Variants in CACNA2D1 observed in about 807,000 individuals in gnomAD.
CACNA2D1 encodes the protein voltage-dependent calcium channel subunit alpha-2/delta-1.
CACNA2D1 carries 53 observed loss-of-function variants against 171.5 expected under a neutral mutation model. The ratio of observed to expected loss-of-function variants is 0.31; its 90% CI spans 0.25 to 0.39. CACNA2D1 has a LOEUF of 0.39. Ranked by LOEUF, CACNA2D1 falls within the 10% of genes least tolerant of loss-of-function variation. CACNA2D1 has a pLI of 1.00. For synonymous variants in CACNA2D1, 442 were observed against 443.1 expected (o/e 1.00, Z 0.03); for missense variants, 903 against 1,299.8 (o/e 0.69, Z 4.69).
intron 4 of CACNA2D1, among the ~76,000 whole-genome samples, chr7:82,146,493 T>G (rs1793116802): frequency 7.0e-6 from 1 of 142,530 alleles, no homozygotes. Context: ...CATATTTATA[T>G]TTATATATAT....
intron 20 of CACNA2D1, among the ~76,000 whole-genome samples, chr7:81,992,375 G>A (rs1797635761): frequency 6.6e-6 from 1 of 152,070 alleles, no homozygotes; most frequent in Non-Finnish European, 1.5e-5. Flanking sequence ...AATATATAAT[G>A]CCAAATTCAT....
intron 3 of CACNA2D1, among the ~76,000 whole-genome samples, chr7:82,190,223 C>T (rs1318903457): frequency 6.6e-6 from 1 of 151,816 alleles, no homozygotes; most frequent in East Asian, 1.9e-4. Flanking sequence ...ATCATCTCAA[C>T]AGCAAGACTG....
intron 3 of CACNA2D1, among the ~76,000 whole-genome samples, chr7:82,295,913 G>A (rs1369525263): frequency 2.0e-5 from 3 of 151,960 alleles, no homozygotes; most frequent in African/African-American, 7.3e-5. Context: ...TATACACCAT[G>A]GAATACTATG....
At chr7:82,420,743 G>C (rs529650969) in intron 1 of CACNA2D1, among the ~76,000 whole-genome samples, 4 of 151,776 alleles carry the variant, frequency 2.6e-5, no homozygotes, top group Admixed American at 2.0e-4. Flanking sequence ...GTACTTGCCT[G>C]TGATAAATTT....
At chr7:81,962,688 A>C (rs924073469) in intron 34 of CACNA2D1, among the ~76,000 whole-genome samples, 193 bp from the exon 35 acceptor site, 5 of 152,030 alleles carry the variant, frequency 3.3e-5, no homozygotes, top group Non-Finnish European at 7.4e-5. Flanking sequence ...TCATGAAATC[A>C]GAAGTGTTCA....
Position 81,959,849 on chromosome 7 carries a change from T to G in CACNA2D1, c.2967-20A>C, listed in dbSNP as rs1793891914. On this transcript the variant is annotated intron_variant, in intron 36 of 38. Coordinates refer to ENST00000356860, the MANE Select transcript of CACNA2D1 (RefSeq NM_000722.4). ...AAGATTCTGCAAAATAAATATGGTA[T>G]CATAGAAAATGAGTATCTTTTCCAA... 2 of 1,607,724 alleles carry G rather than the reference T, an allele frequency of 1.2e-6. No homozygotes were observed. The highest frequency in any genetic ancestry group is 4.5e-5 in the East Asian group (2 of 44,640).
chr7:82,220,618 T>C (rs935306327), intron 3 of CACNA2D1, among the ~76,000 whole-genome samples: 4 of 152,102 alleles, frequency 2.6e-5, no homozygotes, highest in African/African-American at 9.7e-5. Flanking sequence ...TAATAATATA[T>C]TTTAAGGAAA....
At chr7:82,334,159 C>T (rs1196880727) in intron 3 of CACNA2D1, among the ~76,000 whole-genome samples, 1 of 152,036 alleles carries the variant, frequency 6.6e-6, no homozygotes, top group East Asian at 1.9e-4. Flanking sequence ...CATTTGATTG[C>T]CTATAATTAA....
intron 38 of CACNA2D1, among the ~76,000 whole-genome samples, chr7:81,955,558 G>A (rs2130052384): frequency 6.6e-6 from 1 of 151,834 alleles, no homozygotes; most frequent in Admixed American, 6.6e-5. Flanking sequence ...ATACATCATC[G>A]ATATTATGTA....
chr7:82,374,805 G>A (rs374881034), intron 1 of CACNA2D1, among the ~76,000 whole-genome samples: 15 of 122,280 alleles, frequency 1.2e-4, no homozygotes, highest in African/African-American at 3.7e-4. Context: ...AAAGAAAAAA[G>A]ACTACAAAAG....
chr7:82,013,545 T>C lies in CACNA2D1; in HGVS notation c.1223-35A>G, dbSNP rs746781907. On this transcript the variant is annotated intron_variant, in intron 13 of 38. Coordinates refer to ENST00000356860, the MANE Select transcript of CACNA2D1 (RefSeq NM_000722.4). ...ACATATATGTTTTTATACATAAATG[T>C]TACTTTATAATAAAGGGCCACAAAA... 18 of 770,556 alleles carry C rather than the reference T, an allele frequency of 2.3e-5. No individual in the cohort carries two copies. In the African/African-American group the frequency reaches 3.1e-4, roughly 13 times the overall value. The allele number at this position is 770,556 out of a possible 1,614,324, so 47.7% of individuals were successfully genotyped here.
At chr7:82,298,589 T>G (rs1422811906) in intron 3 of CACNA2D1, among the ~76,000 whole-genome samples, 1 of 151,870 alleles carries the variant, frequency 6.6e-6, no homozygotes, top group African/African-American at 2.4e-5. Flanking sequence ...TTTTTTTTTT[T>G]TAAGAGACAA....
intron 1 of CACNA2D1, among the ~76,000 whole-genome samples, chr7:82,437,390 C>A (rs1323882434): frequency 6.6e-6 from 1 of 152,016 alleles, no homozygotes; most frequent in East Asian, 1.9e-4. Flanking sequence ...AAATCTGAAG[C>A]ATTTAAAATG....
chr7:82,273,353 T>C (rs1309485147), intron 3 of CACNA2D1, among the ~76,000 whole-genome samples: 1 of 151,912 alleles, frequency 6.6e-6, no homozygotes, highest in South Asian at 2.1e-4. Flanking sequence ...ATATTTGTGG[T>C]ATTAAAAACT....
chr7:82,073,688 C>A (rs953636468), intron 7 of CACNA2D1, among the ~76,000 whole-genome samples: 4 of 152,138 alleles, frequency 2.6e-5, no homozygotes, highest in African/African-American at 9.7e-5. Context: ...TGAACCTCTG[C>A]CTCCTGGGTT....
chr7:82,315,170 G>A (rs902168254), intron 3 of CACNA2D1, among the ~76,000 whole-genome samples: 2 of 151,964 alleles, frequency 1.3e-5, no homozygotes, highest in East Asian at 1.9e-4. Flanking sequence ...ATAACGTGTC[G>A]TGTCTCTTAA....
chr7:82,374,852 A>C (rs1031993114), intron 1 of CACNA2D1, among the ~76,000 whole-genome samples: 1 of 152,028 alleles, frequency 6.6e-6, no homozygotes, highest in Non-Finnish European at 1.5e-5. Flanking sequence ...TTGGATATGT[A>C]GATTGTATCT....
At chr7:82,305,024 G>A (rs1443822896) in intron 3 of CACNA2D1, among the ~76,000 whole-genome samples, 1 of 152,060 alleles carries the variant, frequency 6.6e-6, no homozygotes, top group Non-Finnish European at 1.5e-5. Context: ...AAATGTTAAT[G>A]TTAATTTTTT....
chr7:81,971,457 T>C (rs771109928), intron 26 of CACNA2D1, among the ~76,000 whole-genome samples: 2 of 151,524 alleles, frequency 1.3e-5, no homozygotes, highest in Non-Finnish European at 3.0e-5. Flanking sequence ...GGATGTATGG[T>C]AATGCTATTA....
Sources: allele counts gnomAD v4.1 joint callset (sites outside exome capture counted in the v4.1 genomes callset), GRCh38; gene constraint gnomAD v4.1.1; transcripts MANE v1.5; gene names NCBI Gene and HGNC (gene_info 2026-07-23, HGNC 2026-07-21).